Variants in ITGBL1 observed in about 807,000 individuals in gnomAD.
The protein encoded by ITGBL1 is integrin subunit beta like 1.
Under a neutral mutation model 68.5 loss-of-function variants are expected in ITGBL1, and 51 were observed. That is an observed-to-expected ratio of 0.74 (90% CI 0.59 to 0.94). The LOEUF (loss-of-function observed/expected upper bound fraction) is 0.94. Among genes scored for constraint, ITGBL1 ranks in the 40% least tolerant of loss-of-function variants. The pLI is 0.00. For missense variants in ITGBL1, 649 were observed against 647.4 expected (o/e 1.00, Z -0.03); for synonymous variants, 209 against 227.3 (o/e 0.92, Z 0.72).
chr13:101,675,025 T>C (rs2033466872), intron 7 of ITGBL1, among the ~76,000 whole-genome samples: 1 of 152,146 alleles, frequency 6.6e-6, no homozygotes, highest in African/African-American at 2.4e-5. Context: ...TCTGGAAAAG[T>C]TCTGATTTTT....
At position 101,481,146 on chromosome 13, in the gene ITGBL1, G is replaced by GTATA. The variant is rs34220008; in HGVS notation, c.316+27058_316+27061dup. Among the ~76,000 whole-genome samples, 11 of 145,358 alleles carry GTATA rather than the reference G, an allele frequency of 7.6e-5. No homozygotes were observed. In the South Asian group the frequency reaches 1.1e-3, roughly 14 times the overall value. The stretch of plus-strand genomic sequence containing the variant: ...TATATACACATGTGCATATATATAT[G>GTATA]TATATATATATATATGAGAGAGAGC... On this transcript the variant is annotated intron_variant, in intron 2 of 10. Coordinates refer to ENST00000376180, the MANE Select transcript of ITGBL1 (RefSeq NM_004791.3).
At chr13:101,524,883 T>C (rs1373393437) in intron 2 of ITGBL1, among the ~76,000 whole-genome samples, 1 of 152,188 alleles carries the variant, frequency 6.6e-6, no homozygotes, top group Non-Finnish European at 1.5e-5. Context: ...CAGGTATATG[T>C]AGAGGTAATC....
intron 9 of ITGBL1, among the ~76,000 whole-genome samples, chr13:101,709,396 AAAG>A (rs2034357262): frequency 1.4e-5 from 2 of 144,816 alleles, no homozygotes; most frequent in Non-Finnish European, 3.0e-5. Context: ...AAAAAAAAAA[AAAG>A]AAAAGCAGGA....
intron 9 of ITGBL1, chr13:101,713,671 A>C (rs1263278160): frequency 1.3e-5 from 2 of 152,022 alleles, no homozygotes; most frequent in Non-Finnish European, 2.9e-5. Flanking sequence ...CATCTCATTT[A>C]TTTTCTTTTA....
At chr13:101,509,532 C>T (rs533959623) in intron 2 of ITGBL1, among the ~76,000 whole-genome samples, 6 of 152,114 alleles carry the variant, frequency 3.9e-5, no homozygotes, top group Admixed American at 2.0e-4. Context: ...CCATTGGACC[C>T]GGTTTACTTA....
At chr13:101,599,458 A>G (rs1046725295) in intron 7 of ITGBL1, among the ~76,000 whole-genome samples, 43 of 151,356 alleles carry the variant, frequency 2.8e-4, no homozygotes, top group African/African-American at 9.0e-4. Flanking sequence ...CCATTTGTCA[A>G]TTTTGACTTT....
intron 7 of ITGBL1, among the ~76,000 whole-genome samples, chr13:101,691,276 A>G (rs1283312073): frequency 6.6e-6 from 1 of 152,212 alleles, no homozygotes; most frequent in Non-Finnish European, 1.5e-5. Flanking sequence ...GTCAGCCAGC[A>G]CAACACTGTA....
At chr13:101,476,125 A>C (rs114619701) in intron 2 of ITGBL1, among the ~76,000 whole-genome samples, 5,613 of 152,236 alleles carry the variant, frequency 0.037, 354 homozygotes, top group African/African-American at 0.13. Flanking sequence ...CCTATCAAAA[A>C]TAATAACTCC....
chr13:101,676,797 A>G (rs1459153171), intron 7 of ITGBL1, among the ~76,000 whole-genome samples: 1 of 152,178 alleles, frequency 6.6e-6, no homozygotes, highest in Non-Finnish European at 1.5e-5. Context: ...TGTCAGTATA[A>G]GATATTCGTA....
At chr13:101,506,765 TG>T (rs1381113071) in intron 2 of ITGBL1, among the ~76,000 whole-genome samples, 1 of 152,226 alleles carries the variant, frequency 6.6e-6, no homozygotes, top group Non-Finnish European at 1.5e-5. Flanking sequence ...CTTTGACTTG[TG>T]TGACATGTAG....
chr13:101,670,532 T>C (rs1268011664), intron 7 of ITGBL1, among the ~76,000 whole-genome samples: 2 of 152,248 alleles, frequency 1.3e-5, no homozygotes, highest in African/African-American at 4.8e-5. Context: ...TGTAATTTTC[T>C]GTATTTATTT....
At chr13:101,570,702 T>C (rs1303524780) in intron 3 of ITGBL1, among the ~76,000 whole-genome samples, 1 of 152,174 alleles carries the variant, frequency 6.6e-6, no homozygotes, top group Non-Finnish European at 1.5e-5. Flanking sequence ...AATAGTTGGT[T>C]GGCTAATGTT....
chr13:101,553,356 C>A (rs1232421701), intron 2 of ITGBL1, among the ~76,000 whole-genome samples: 1 of 152,100 alleles, frequency 6.6e-6, no homozygotes, highest in Non-Finnish European at 1.5e-5. Context: ...AATTTCAACC[C>A]TCATTTATGA....
intron 2 of ITGBL1, among the ~76,000 whole-genome samples, chr13:101,544,727 G>A (rs2049785891): frequency 1.3e-5 from 2 of 152,174 alleles, no homozygotes; most frequent in South Asian, 4.1e-4. Context: ...TGGCCGCTTT[G>A]TTTACCTTCT....
chr13:101,639,558 A>T (rs1319957528), intron 7 of ITGBL1, among the ~76,000 whole-genome samples: 1 of 152,192 alleles, frequency 6.6e-6, no homozygotes, highest in African/African-American at 2.4e-5. Context: ...TTTATTCTAA[A>T]ACAAAATAGT....
intron 8 of ITGBL1, among the ~76,000 whole-genome samples, chr13:101,693,624 G>A (rs71441521): frequency 0.041 from 5,956 of 146,108 alleles, 149 homozygotes; most frequent in East Asian, 0.11. Context: ...CTGTCTGTCT[G>A]TCTATCTATC....
At position 101,466,399 on chromosome 13, in the gene ITGBL1, C is replaced by T. The variant is rs377135570; in HGVS notation, c.316+12299C>T. On this transcript the variant is annotated intron_variant, in intron 2 of 10. Transcript: ENST00000376180. ...TATACTGGCCACTTATTCTGTACCC[C>T]TGCTTTGATTCACTTCATGAACACA... 7.2e-5 allele frequency among the ~76,000 whole-genome samples: 11 copies of T among 152,302 alleles called. No individual in the cohort carries two copies. The East Asian group carries it at 1.9e-3, about 27-fold the overall frequency.
intron 7 of ITGBL1, among the ~76,000 whole-genome samples, chr13:101,688,756 C>G (rs541020254): frequency 4.6e-5 from 7 of 151,594 alleles, no homozygotes; most frequent in African/African-American, 1.7e-4. Flanking sequence ...TGAAGGTATT[C>G]AGGCAATTGG....
intron 2 of ITGBL1, among the ~76,000 whole-genome samples, chr13:101,523,473 A>C (rs914655407): frequency 1.3e-5 from 2 of 152,128 alleles, no homozygotes; most frequent in Non-Finnish European, 1.5e-5. Context: ...TGCTATCTAC[A>C]TGGCATGTTT....
Sources: allele counts gnomAD v4.1 joint callset (sites outside exome capture counted in the v4.1 genomes callset), GRCh38; gene constraint gnomAD v4.1.1; transcripts MANE v1.5; gene names NCBI Gene and HGNC (gene_info 2026-07-23, HGNC 2026-07-21).